Variants in ARID3B observed in about 807,000 individuals in gnomAD.
ARID3B encodes AT-rich interactive domain-containing protein 3B.
In ARID3B, 10 loss-of-function variants were observed where a neutral mutation model predicts 51.9. That is an observed-to-expected ratio of 0.19 (90% CI 0.12 to 0.33). ARID3B has a LOEUF of 0.33. Among genes scored for constraint, ARID3B ranks in the 10% least tolerant of loss-of-function variants. The probability of loss-of-function intolerance (pLI) is 1.00; values close to 1 mark genes in which losing one functional copy is unlikely to be tolerated. For synonymous variants in ARID3B, 205 were observed against 279.5 expected, an observed-to-expected ratio of 0.73 and a Z score of 2.66; for missense variants, 483 against 716.3, an observed-to-expected ratio of 0.67 and a Z score of 3.72.
intron 4 of ARID3B, among the ~76,000 whole-genome samples, chr15:74,585,501 T>G (rs2061777484): frequency 6.6e-6 from 1 of 152,240 alleles, no homozygotes; most frequent in Non-Finnish European, 1.5e-5. Context: ...TCAGGCAAGT[T>G]CCTAAAACCA....
chr15:74,567,108 C>T (rs972846544), intron 2 of ARID3B, among the ~76,000 whole-genome samples: 4 of 152,152 alleles, frequency 2.6e-5, no homozygotes, highest in African/African-American at 9.7e-5. Flanking sequence ...ACTGCCTCCC[C>T]ACTGTTCACA....
chr15:74,555,993 C>T (rs1231800216), intron 2 of ARID3B, among the ~76,000 whole-genome samples: 1 of 151,448 alleles, frequency 6.6e-6, no homozygotes, highest in Non-Finnish European at 1.5e-5. Context: ...GGGGTTTCAC[C>T]GTGTTAGCCG....
In ARID3B at chr15:74,591,096, G is replaced by A. The variant is rs2061800985; in HGVS notation, c.882-55G>A. 2 of 1,536,954 alleles carry A rather than the reference G, an allele frequency of 1.3e-6. No individual in the cohort carries two copies. The highest frequency in any genetic ancestry group is 1.8e-6 in the Non-Finnish European group (2 of 1,137,962). On this transcript the variant is annotated intron_variant, in intron 5 of 8. Coordinates refer to ENST00000346246, the MANE Select transcript of ARID3B (RefSeq NM_006465.4). This position sits in a 1 kb window ranked among gnomAD's most constrained non-coding sequence, Gnocchi z 5.8. ...TCCAGAGACCCACCAACCTCAACTG[G>A]GTGGTCTCTGGTGCTGTTTTGGATT...
intron 2 of ARID3B, among the ~76,000 whole-genome samples, chr15:74,564,462 A>G (rs2061690806): frequency 6.6e-6 from 1 of 152,240 alleles, no homozygotes; most frequent in South Asian, 2.1e-4. Context: ...CTGGCCAATG[A>G]TAAGATAGTT....
chr15:74,585,769 A>G (rs1035049349), intron 4 of ARID3B, among the ~76,000 whole-genome samples: 14 of 152,354 alleles, frequency 9.2e-5, no homozygotes, highest in Admixed American at 2.6e-4. Context: ...AGTAGAATCT[A>G]CTTTGGACAA....
intron 2 of ARID3B, among the ~76,000 whole-genome samples, chr15:74,557,574 G>A (rs75886806): frequency 0.024 from 3,646 of 152,070 alleles, 55 homozygotes; most frequent in Admixed American, 0.037. Flanking sequence ...TGTTTTTGCT[G>A]TTGAGAAATC....
At chr15:74,548,629 C>T (rs992179297) in intron 2 of ARID3B, among the ~76,000 whole-genome samples, 17 of 152,318 alleles carry the variant, frequency 1.1e-4, no homozygotes, top group Non-Finnish European at 2.2e-4. Context: ...GAATTCCTAA[C>T]GTCCTAAAGC....
In ARID3B at chr15:74,564,503, C is replaced by T. The variant is rs181136534; in HGVS notation, c.553-8359C>T. 2.0e-5 allele frequency among the ~76,000 whole-genome samples: 3 copies of T among 152,322 alleles called. No individual in the cohort carries two copies. In the East Asian group the frequency reaches 5.8e-4, roughly 29 times the overall value. On this transcript the variant is annotated intron_variant, in intron 2 of 8. Transcript: ENST00000346246. ...GTTGCTTATTAAAAACAACAACAGCCACAGTCAGCCCAAATGCTTTAGTTA... is the reference window on the plus strand; with the variant it reads ...GTTGCTTATTAAAAACAACAACAGCTACAGTCAGCCCAAATGCTTTAGTTA...
intron 2 of ARID3B, among the ~76,000 whole-genome samples, chr15:74,558,511 C>G (rs1401306682): frequency 6.6e-6 from 1 of 151,298 alleles, no homozygotes; most frequent in Non-Finnish European, 1.5e-5. Flanking sequence ...CTTTTTAAAA[C>G]TTTATATTGG....
rs1243862512 is a variant in ARID3B at position 74,591,900 on chromosome 15, G to A, written c.1420+86G>A. The A allele has an allele frequency of 6.5e-7, 1 of 1,550,088 alleles. No homozygotes were observed. The highest frequency in any genetic ancestry group is 1.4e-5 in the African/African-American group (1 of 73,538). On this transcript the variant is annotated intron_variant, in intron 7 of 8. Transcript: ENST00000346246. This position sits in a 1 kb window ranked among gnomAD's most constrained non-coding sequence, Gnocchi z 5.8. Reference sequence around the variant, plus strand: ...CTGGGACTGGTGGGGCAGGGGTGGTGAGGCACATACTCCTGACCTGGAAGA... The same window carrying A: ...CTGGGACTGGTGGGGCAGGGGTGGTAAGGCACATACTCCTGACCTGGAAGA...
Position 74,543,842 on chromosome 15 carries a change from T to C in ARID3B, c.-77-18T>C. The stretch of plus-strand genomic sequence containing the variant: ...GTTTTTTCCCCCTCCTTCTTTGTGG[T>C]TTCTGTTAATCACTAAGGTTTAGAC... On this transcript the variant is annotated intron_variant, in intron 1 of 8. Coordinates refer to ENST00000346246, the MANE Select transcript of ARID3B (RefSeq NM_006465.4). The C allele has an allele frequency of 6.8e-7, 1 of 1,478,150 alleles. No homozygotes were observed. Among genetic ancestry groups the C allele is most frequent in the Non-Finnish European group, 9.1e-7 (1 of 1,098,130 alleles). 91.6% of individuals were successfully genotyped at this position (1,478,150 alleles called of 1,614,324 possible).
chr15:74,572,831 C>T (rs772045221), intron 2 of ARID3B, 31 bp from the exon 3 acceptor site: 1 of 1,608,388 alleles, frequency 6.2e-7, no homozygotes, highest in Non-Finnish European at 8.5e-7. Flanking sequence ...TTCCTTTGCC[C>T]CTCTCAACTT....
intron 2 of ARID3B, among the ~76,000 whole-genome samples, chr15:74,556,933 C>T (rs541948890): frequency 1.3e-5 from 2 of 151,758 alleles, no homozygotes; most frequent in South Asian, 4.2e-4. Context: ...TGCCACCATG[C>T]CCAGCTAATT....
At position 74,544,237 on chromosome 15, in the gene ARID3B, G is replaced by C. The variant is rs141044045; in HGVS notation, c.301G>C (p.Glu101Gln). The C allele has an allele frequency of 1.1e-4, 178 of 1,614,054 alleles. No homozygotes were observed. Among genetic ancestry groups the C allele is most frequent in the Non-Finnish European group, 1.4e-4 (169 of 1,179,998 alleles). ...GGAAGAGGACGGAGGTTTGGAAGAT[G>C]AGGATGGGGATGATGAAGTTGCAGA... ...PEEEDGGLED[E>Q]DGDDEVAEVA... The change falls in exon 2 of 9, where the codon GAG (glutamate) becomes CAG (glutamine). Residue 101 changes from glutamate to glutamine, a missense_variant. Physicochemically the swap from Glu to Gln is conservative, Grantham distance 29. Around this residue, in one of 3 missense-constraint regions of ARID3B, gnomAD observed 182 missense variants for 244.5 expected, o/e 0.74. Transcript: ENST00000346246.
rs140605230 is a variant in ARID3B at position 74,578,576 on chromosome 15, T to C, written c.697+5372T>C. On this transcript the variant is annotated intron_variant, in intron 4 of 8. Coordinates refer to ENST00000346246, the MANE Select transcript of ARID3B (RefSeq NM_006465.4). ...GACACAGGAGGCAGATCTTGCTAGT[T>C]GGGACCAAGGAAAAGCCTCATAGAC... 5.8e-3 allele frequency among the ~76,000 whole-genome samples: 882 copies of C among 152,192 alleles called. 5 individuals are homozygous for C. Among genetic ancestry groups the C allele is most frequent in the African/African-American group, 0.021 (856 of 41,516 alleles).
intron 2 of ARID3B, among the ~76,000 whole-genome samples, chr15:74,566,376 G>C (rs552979333): frequency 2.2e-3 from 340 of 152,126 alleles, no homozygotes; most frequent in Admixed American, 3.7e-3. Flanking sequence ...GAGACGGGCA[G>C]ATCACCTGAG....
chr15:74,546,649 C>T (rs1274417614), intron 2 of ARID3B, among the ~76,000 whole-genome samples: 1 of 152,212 alleles, frequency 6.6e-6, no homozygotes, highest in African/African-American at 2.4e-5. Context: ...GCATTTGAAA[C>T]TCTTTGCGTT....
chr15:74,591,223 A>G lies in ARID3B; in HGVS notation c.954A>G (p.Ala318=). Residue 318 remains alanine (A), a synonymous_variant, in exon 6 of 9, where the codon GCA becomes GCG. Coordinates refer to ENST00000346246, the MANE Select transcript of ARID3B (RefSeq NM_006465.4). This position sits in a 1 kb window ranked among gnomAD's most constrained non-coding sequence, Gnocchi z 5.8. The stretch of plus-strand genomic sequence containing the variant: ...GTTCCCCAGCCGAGCTCCAGGCAGC[A>G]ATTGATGGCAACCGCAGGGAGGGCC... ...ALSSPAELQA[A]IDGNRREGRR... 1.2e-6 allele frequency: 2 copies of G among 1,613,736 alleles called. No homozygotes were observed. The highest frequency in any genetic ancestry group is 1.3e-5 in the African/African-American group (1 of 75,048).
rs181342887 is a variant in ARID3B at position 74,595,904 on chromosome 15, G to T, written c.*130G>T. ...TTGGCCAGACATTGAGAGTTTGGAC[G>T]TGTCCGTCTGTCCAGGCTCCATTCA... On this transcript the variant is annotated 3_prime_UTR_variant, in exon 9 of 9. Coordinates refer to ENST00000346246, the MANE Select transcript of ARID3B (RefSeq NM_006465.4). 81 of 1,003,294 alleles carry T rather than the reference G, an allele frequency of 8.1e-5. No homozygotes were observed. The highest frequency in any genetic ancestry group is 3.4e-4 in the Admixed American group (12 of 35,244). The allele number at this position is 1,003,294 out of a possible 1,614,324, so 62.1% of individuals were successfully genotyped here.
Sources: allele counts gnomAD v4.1 joint callset (sites outside exome capture counted in the v4.1 genomes callset), GRCh38; gene constraint gnomAD v4.1.1; regional missense constraint gnomAD v4.1.1; non-coding constraint Gnocchi (gnomAD v3.1); transcripts MANE v1.5; gene names NCBI Gene and HGNC (gene_info 2026-07-23, HGNC 2026-07-21).